CDH13: variants seen among roughly 807,000 people sequenced by gnomAD.
The protein encoded by CDH13 is cadherin-13.
Under a neutral mutation model 63.8 loss-of-function variants are expected in CDH13, and 24 were observed. The observed-to-expected ratio is 0.38, with a 90% CI of 0.27 to 0.53. CDH13 has a LOEUF of 0.53. Ranked by LOEUF, CDH13 falls within the 20% of genes least tolerant of loss-of-function variation. CDH13 has a pLI of 0.85. For synonymous variants in CDH13, 503 were observed against 355.3 expected, an observed-to-expected ratio of 1.42 and a Z score of -4.67; for missense variants, 1,049 against 903.1, an observed-to-expected ratio of 1.16 and a Z score of -2.07.
chr16:82,866,110 C>T lies in CDH13; in HGVS notation c.157+7637C>T, dbSNP rs116695587. ...CTTTATTCCAGTTCCCAGCAAGTTCCTCATCACCCTCTGAGACCACATCAG... is the reference window on the plus strand; with the variant it reads ...CTTTATTCCAGTTCCCAGCAAGTTCTTCATCACCCTCTGAGACCACATCAG... On this transcript the variant is annotated intron_variant, in intron 2 of 13. Transcript: ENST00000567109. Among the ~76,000 whole-genome samples the T allele has an allele frequency of 9.1e-3, 1,384 of 152,220 alleles. 23 individuals carry two copies. Among genetic ancestry groups the T allele is most frequent in the African/African-American group, 0.032 (1,311 of 41,540 alleles).
intron 1 of CDH13, among the ~76,000 whole-genome samples, chr16:82,833,701 C>G (rs574173290): frequency 1.3e-5 from 2 of 152,334 alleles, no homozygotes; most frequent in South Asian, 4.1e-4. Flanking sequence ...TGTTTTCAAT[C>G]TACTGCCTCC....
At chr16:83,485,682 C>G (rs1055929823) in intron 6 of CDH13, among the ~76,000 whole-genome samples, 2 of 152,112 alleles carry the variant, frequency 1.3e-5, no homozygotes. Context: ...TTGTTCATCT[C>G]TGTATTCATA....
intron 4 of CDH13, among the ~76,000 whole-genome samples, chr16:83,148,821 C>G (rs1007024513): frequency 1.3e-5 from 2 of 152,118 alleles, no homozygotes; most frequent in South Asian, 2.1e-4. Context: ...TTAACTCATT[C>G]AAAAATATTT....
chr16:82,880,645 T>G (rs542753985), intron 2 of CDH13, among the ~76,000 whole-genome samples: 1 of 152,236 alleles, frequency 6.6e-6, no homozygotes, highest in Admixed American at 6.5e-5. Context: ...GGTGCCTGAT[T>G]AGCAAGCCTG....
chr16:82,964,751 T>A (rs1688318799), intron 2 of CDH13, among the ~76,000 whole-genome samples: 1 of 152,234 alleles, frequency 6.6e-6, no homozygotes, highest in South Asian at 2.1e-4. Context: ...AACCTACAGT[T>A]ATAAAATATA....
chr16:83,184,461 T>C (rs1445913619), intron 4 of CDH13, among the ~76,000 whole-genome samples: 2 of 152,110 alleles, frequency 1.3e-5, no homozygotes, highest in Admixed American at 6.6e-5. Context: ...TTGACGTAGA[T>C]GTGAGGCCAG....
At chr16:83,351,622 C>A (rs1007495420) in intron 6 of CDH13, among the ~76,000 whole-genome samples, 2 of 152,198 alleles carry the variant, frequency 1.3e-5, no homozygotes, top group Admixed American at 6.5e-5. Context: ...TCTCCTTAAC[C>A]AATTTCCTAT....
intron 6 of CDH13, among the ~76,000 whole-genome samples, chr16:83,412,307 C>A (rs1268232014): frequency 6.6e-6 from 1 of 152,044 alleles, no homozygotes; most frequent in Non-Finnish European, 1.5e-5. Context: ...ACTAAAAATA[C>A]AAAAATTAGT....
intron 8 of CDH13, among the ~76,000 whole-genome samples, chr16:83,605,749 A>G (rs752927252): frequency 6.6e-6 from 1 of 152,248 alleles, no homozygotes; most frequent in Non-Finnish European, 1.5e-5. Flanking sequence ...CCAAAATGTC[A>G]GAGGCCAAAT....
At chr16:83,596,518 G>C (rs546559219) in intron 7 of CDH13, among the ~76,000 whole-genome samples, 1 of 152,286 alleles carries the variant, frequency 6.6e-6, no homozygotes, top group African/African-American at 2.4e-5. Context: ...CCTGGAGAAA[G>C]GGCATCTGTG....
intron 4 of CDH13, among the ~76,000 whole-genome samples, chr16:83,212,594 T>C (rs1487524127): frequency 2.0e-5 from 3 of 152,168 alleles, no homozygotes; most frequent in Non-Finnish European, 4.4e-5. Context: ...AAAATAGGTC[T>C]AGAAAGAAGG....
Position 83,730,303 on chromosome 16 carries a change from G to A in CDH13, c.1539-17805G>A, listed in dbSNP as rs149896593. 2.2e-3 allele frequency among the ~76,000 whole-genome samples: 333 copies of A among 152,282 alleles called. 2 individuals are homozygous for A. Among genetic ancestry groups the A allele is most frequent in the African/African-American group, 7.7e-3 (321 of 41,574 alleles). On this transcript the variant is annotated intron_variant, in intron 10 of 13. Coordinates refer to ENST00000567109, the MANE Select transcript of CDH13 (RefSeq NM_001257.5). ...TATTAAAGGCTCTGAGAATTCTTGC[G>A]CAAAGGGGGACCTCATTTGATGTTA...
At chr16:83,554,297 A>G (rs756543010) in intron 7 of CDH13, among the ~76,000 whole-genome samples, 15 of 152,208 alleles carry the variant, frequency 9.9e-5, no homozygotes, top group Non-Finnish European at 1.8e-4. Context: ...GGAGACAGGA[A>G]TATGCACTGG....
In CDH13 at chr16:83,368,884, TTATATATATATATATATATA is replaced by T. The variant is rs150563585; in HGVS notation, c.781+23913_781+23932del. On this transcript the variant is annotated intron_variant, in intron 6 of 13. Transcript: ENST00000567109. ...TATGGCTGAGTAGTAGTATTCCATG[TTATATATATATATATATATA>T]TATATATATATATATATATATATAT... Among the ~76,000 whole-genome samples the T allele has an allele frequency of 1.9e-3, 89 of 47,696 alleles. 2 individuals are homozygous for T. Among genetic ancestry groups the T allele is most frequent in the South Asian group, 0.012 (5 of 408 alleles). The allele number at this position is 47,696 out of a possible 152,430, so 31.3% of individuals were successfully genotyped here.
intron 5 of CDH13, among the ~76,000 whole-genome samples, chr16:83,315,480 C>T (rs968631760): frequency 6.6e-6 from 1 of 152,178 alleles, no homozygotes; most frequent in Non-Finnish European, 1.5e-5. Context: ...GAAATCACTG[C>T]TTTCTTTCCG....
intron 1 of CDH13, among the ~76,000 whole-genome samples, chr16:82,652,167 T>G (rs759629377): frequency 6.6e-6 from 1 of 152,172 alleles, no homozygotes; most frequent in African/African-American, 2.4e-5. Flanking sequence ...GTCATCAGAT[T>G]GTAGAGTTGG....
chr16:83,157,097 T>A (rs2037238461), intron 4 of CDH13, among the ~76,000 whole-genome samples: 1 of 152,200 alleles, frequency 6.6e-6, no homozygotes, highest in Non-Finnish European at 1.5e-5. Context: ...CTGTTCTCAG[T>A]CAGGTTTCTT....
rs79522239 is a variant in CDH13, at chr16:82,883,105, A to G, written c.157+24632A>G. On this transcript the variant is annotated intron_variant, in intron 2 of 13. Coordinates refer to ENST00000567109, the MANE Select transcript of CDH13 (RefSeq NM_001257.5). ...AATGCCATCACCTGAGGCTGTGACA[A>G]TGGGGTTTCACACCATTAAATTCAG... Among the ~76,000 whole-genome samples, 52 of 152,312 alleles carry G rather than the reference A, an allele frequency of 3.4e-4. No individual in the cohort carries two copies. The East Asian group carries it at 5.8e-3, about 17-fold the overall frequency.
intron 7 of CDH13, among the ~76,000 whole-genome samples, chr16:83,566,625 A>G (rs1904283251): frequency 6.6e-6 from 1 of 152,024 alleles, no homozygotes; most frequent in Non-Finnish European, 1.5e-5. Context: ...CCCTCCTTGT[A>G]CCATCTAATG....
Sources: allele counts gnomAD v4.1 joint callset (sites outside exome capture counted in the v4.1 genomes callset), GRCh38; gene constraint gnomAD v4.1.1; transcripts MANE v1.5; gene names NCBI Gene and HGNC (gene_info 2026-07-23, HGNC 2026-07-21).